The following CDK6 variants were observed in gnomAD, a reference collection of about 807,000 sequenced individuals.
The protein encoded by CDK6 is cyclin-dependent kinase 6.
A neutral mutation model predicts 37.1 loss-of-function variants in CDK6; 6 were observed. The ratio of observed to expected loss-of-function variants is 0.16; its 90% confidence interval spans 0.09 to 0.32. The LOEUF (loss-of-function observed/expected upper bound fraction) is 0.32, where lower values mean the gene tolerates loss of function less well. Ranked by LOEUF, CDK6 falls within the 10% of genes least tolerant of loss-of-function variation. CDK6 has a pLI of 1.00. For synonymous variants in CDK6, 160 were observed against 161.3 expected (o/e 0.99, Z 0.06); for missense variants, 224 against 418.9 (o/e 0.53, Z 4.06).
chr7:92,708,475 G>T (rs763510617), intron 4 of CDK6, among the ~76,000 whole-genome samples: 1 of 152,098 alleles, frequency 6.6e-6, no homozygotes, highest in African/African-American at 2.4e-5. Flanking sequence ...GTCATATAAC[G>T]ACCACAAGTG....
intron 3 of CDK6, among the ~76,000 whole-genome samples, chr7:92,738,616 C>A (rs1380483177): frequency 6.9e-6 from 1 of 144,858 alleles, no homozygotes; most frequent in South Asian, 2.2e-4. Context: ...CCAGCCTGGG[C>A]AACAAGGGCA....
Position 92,834,365 on chromosome 7 carries a change from G to A in CDK6, c.-367-675C>T, listed in dbSNP as rs1245408398. Among the ~76,000 whole-genome samples the A allele has an allele frequency of 6.6e-6, 1 of 152,084 alleles. No individual in the cohort carries two copies. The highest frequency in any genetic ancestry group is 1.5e-5 in the Non-Finnish European group (1 of 68,022). ...TCGCATACACAAATGGTCTTTTTGG[G>A]GTAAAGGAGTCTCGGTTGGAAACGG... On this transcript the variant is annotated intron_variant, in intron 1 of 7. Coordinates refer to ENST00000424848, the MANE Select transcript of CDK6 (RefSeq NM_001145306.2). This position sits in a 1 kb window ranked among gnomAD's most constrained non-coding sequence, Gnocchi z 4.6.
chr7:92,703,675 G>A (rs560694295), intron 4 of CDK6, among the ~76,000 whole-genome samples: 146 of 152,260 alleles, frequency 9.6e-4, no homozygotes, highest in Non-Finnish European at 1.8e-3. Flanking sequence ...TGAAGACTTA[G>A]ATGTAACTAG....
chr7:92,708,467 C>CA (rs1196341820), intron 4 of CDK6, among the ~76,000 whole-genome samples: 1 of 152,086 alleles, frequency 6.6e-6, no homozygotes, highest in Non-Finnish European at 1.5e-5. Flanking sequence ...AGGGTTTAGT[C>CA]ATATAACGAC....
intron 7 of CDK6, among the ~76,000 whole-genome samples, chr7:92,616,033 C>T (rs1044395778): frequency 1.3e-5 from 2 of 152,172 alleles, no homozygotes; most frequent in Non-Finnish European, 2.9e-5. Context: ...CCATCAACGC[C>T]TCCTGCTGGG....
rs569372504 is a variant in CDK6 at position 92,677,076 on chromosome 7, C to T, written c.538-5541G>A. 5.3e-5 allele frequency among the ~76,000 whole-genome samples: 8 copies of T among 152,170 alleles called. No individual in the cohort carries two copies. The South Asian group carries it at 1.5e-3, about 28-fold the overall frequency. On this transcript the variant is annotated intron_variant, in intron 4 of 7. Transcript: ENST00000424848. ...AATGAAAGCTAAAATTTAGATATCT[C>T]GTTTTTATCCTTAAGATTTTGCTCT... is the stretch of plus-strand genomic sequence containing the variant.
chr7:92,743,594 G>C (rs932130310), intron 3 of CDK6, among the ~76,000 whole-genome samples: 2 of 152,046 alleles, frequency 1.3e-5, no homozygotes, highest in African/African-American at 4.8e-5. Flanking sequence ...CCAAAGTCCA[G>C]TAGCTTGTAA....
intron 2 of CDK6, among the ~76,000 whole-genome samples, chr7:92,780,662 G>A (rs1799964047): frequency 6.6e-6 from 1 of 151,562 alleles, no homozygotes; most frequent in East Asian, 2.0e-4. Context: ...TTGGGAGGCT[G>A]AGGCAGGAGA....
intron 4 of CDK6, among the ~76,000 whole-genome samples, chr7:92,682,602 T>C (rs1381211105): frequency 6.6e-6 from 1 of 152,232 alleles, no homozygotes; most frequent in Non-Finnish European, 1.5e-5. Flanking sequence ...TCCCAGTCCC[T>C]CGCAGAGTGT....
chr7:92,764,033 T>C (rs541408560), intron 3 of CDK6, among the ~76,000 whole-genome samples: 52 of 152,314 alleles, frequency 3.4e-4, no homozygotes, highest in African/African-American at 1.1e-3. Flanking sequence ...TTACTCATTT[T>C]TGCAAAATCT....
Position 92,833,364 on chromosome 7 carries a change from CG to C in CDK6, c.-42del. 2.8e-6 allele frequency: 4 copies of C among 1,439,358 alleles called. No homozygotes were observed. Among genetic ancestry groups the C allele is most frequent in the Non-Finnish European group, 2.8e-6 (3 of 1,066,816 alleles). 89.2% of individuals were successfully genotyped at this position (1,439,358 alleles called of 1,614,324 possible). A position where few individuals can be genotyped will look rare whatever the true frequency, so the allele number is the denominator to read the frequency against. ...CCCGCCGCGGCGCCGCTGGGGCGGG[CG>C]GGGGGTGCGCTCAACTAGCTGGCGG... is the stretch of plus-strand genomic sequence containing the variant. On this transcript the variant is annotated 5_prime_UTR_variant, in exon 2 of 8. Transcript: ENST00000424848. This position sits in a 1 kb window ranked among gnomAD's most constrained non-coding sequence, Gnocchi z 6.1.
intron 3 of CDK6, among the ~76,000 whole-genome samples, chr7:92,740,288 T>C (rs1798889465): frequency 6.6e-6 from 1 of 152,240 alleles, no homozygotes; most frequent in Non-Finnish European, 1.5e-5. Context: ...CCTGGAATGC[T>C]TGCTCCATTG....
At chr7:92,780,971 A>G (rs909059709) in intron 2 of CDK6, among the ~76,000 whole-genome samples, 3 of 152,186 alleles carry the variant, frequency 2.0e-5, no homozygotes, top group Non-Finnish European at 2.9e-5. Context: ...CAGCAGTTCC[A>G]TAAGAAAAAT....
rs544762177 is a variant in CDK6, at chr7:92,694,054, C to T, written c.538-22519G>A. Among the ~76,000 whole-genome samples, 614 of 152,276 alleles carry T rather than the reference C, an allele frequency of 4.0e-3. 4 individuals carry two copies. Among genetic ancestry groups the T allele is most frequent in the Non-Finnish European group, 5.8e-3 (392 of 68,014 alleles). ...ATTTATTAGTCTCATCTTTAGTCATCTGTGAACACCACACAGTATAGGGGG... is the reference window on the plus strand; with the variant it reads ...ATTTATTAGTCTCATCTTTAGTCATTTGTGAACACCACACAGTATAGGGGG... On this transcript the variant is annotated intron_variant, in intron 4 of 7. Coordinates refer to ENST00000424848, the MANE Select transcript of CDK6 (RefSeq NM_001145306.2).
At chr7:92,764,394 C>G (rs1336029204) in intron 3 of CDK6, among the ~76,000 whole-genome samples, 1 of 152,124 alleles carries the variant, frequency 6.6e-6, no homozygotes, top group Non-Finnish European at 1.5e-5. Context: ...TCCTTGGTCT[C>G]CTAGAGTGTT....
intron 3 of CDK6, among the ~76,000 whole-genome samples, chr7:92,755,535 G>T (rs1009762426): frequency 6.6e-6 from 1 of 152,152 alleles, no homozygotes; most frequent in African/African-American, 2.4e-5. Context: ...GCTGGTCAGT[G>T]ATGAGAGGAG....
At chr7:92,717,398 A>AAAGGAAGG (rs571523966) in intron 4 of CDK6, among the ~76,000 whole-genome samples, 1 of 147,692 alleles carries the variant, frequency 6.8e-6, no homozygotes, top group Non-Finnish European at 1.5e-5. Context: ...AGGAAAGGAA[A>AAAGGAAGG]AAGGAAGGAA....
intron 2 of CDK6, among the ~76,000 whole-genome samples, chr7:92,797,751 T>C (rs760328620): frequency 1.2e-4 from 18 of 152,236 alleles, no homozygotes; most frequent in Non-Finnish European, 2.2e-4. Context: ...GCAGCACAGA[T>C]GAGCACTTTT....
intron 3 of CDK6, among the ~76,000 whole-genome samples, chr7:92,728,736 T>C (rs1284548481): frequency 6.6e-6 from 1 of 152,228 alleles, no homozygotes; most frequent in Non-Finnish European, 1.5e-5. Context: ...AGAATGACCA[T>C]TCTTTAGATT....
Sources: allele counts gnomAD v4.1 joint callset (sites outside exome capture counted in the v4.1 genomes callset), GRCh38; gene constraint gnomAD v4.1.1; non-coding constraint Gnocchi (gnomAD v3.1); transcripts MANE v1.5; gene names NCBI Gene and HGNC (gene_info 2026-07-23, HGNC 2026-07-21).